The following PCSK7 variants were observed in gnomAD, a reference collection of about 807,000 sequenced individuals.
PCSK7 encodes the protein proprotein convertase subtilisin/kexin type 7, also known as lymphoma proprotein convertase.
PCSK7 carries 38 observed loss-of-function variants against 73.3 expected under a neutral mutation model. The observed-to-expected ratio is 0.52, with a 90% CI of 0.40 to 0.68. The LOEUF is 0.68. Ranked by LOEUF, PCSK7 falls within the 30% of genes least tolerant of loss-of-function variation. The pLI is 0.00. For synonymous variants in PCSK7, 296 were observed against 383.8 expected, an observed-to-expected ratio of 0.77 and a Z score of 2.68; for missense variants, 692 against 991.5, an observed-to-expected ratio of 0.70 and a Z score of 4.06.
In PCSK7 at chr11:117,224,693, C is replaced by G. The variant is rs1275047040; in HGVS notation, c.915+8G>C. 6.2e-7 allele frequency: 1 copy of G among 1,609,944 alleles called. No homozygotes were observed. The highest frequency in any genetic ancestry group is 8.5e-7 in the Non-Finnish European group (1 of 1,176,248). On this transcript the variant is annotated splice_region_variant and intron_variant, in intron 7 of 16. Coordinates refer to ENST00000320934, the MANE Select transcript of PCSK7 (RefSeq NM_004716.4). ...CCGTTTCTCAGAGTCTTTGTGCAGG[C>G]CAGTTACCTTTCCAAGCTGATGGGG...
At chr11:117,226,567 G>A (rs2032438063) in intron 5 of PCSK7, 1 of 159,100 alleles carries the variant, frequency 6.3e-6, no homozygotes, top group African/African-American at 2.4e-5. Context: ...TTTCAGAGAA[G>A]GGACTTGGAC....
rs2032574004 is a variant in PCSK7, at chr11:117,229,802, G to A, written c.43C>T (p.Leu15=). 2 of 1,598,384 alleles carry A rather than the reference G, an allele frequency of 1.3e-6. No homozygotes were observed. Among genetic ancestry groups the A allele is most frequent in the Non-Finnish European group, 1.7e-6 (2 of 1,171,606 alleles). The change falls in exon 3 of 17, where the codon CTG becomes TTG. Residue 15 remains leucine (L), a synonymous_variant. Transcript: ENST00000320934. ...RQKVPHLDAP[L]GLPTCLWLEL... ...AGCCAGAGGCAGGTGGGCAGGCCCAGGGGGGCATCCAAGTGTGGCACTTTC... is the reference window on the plus strand; with the variant it reads ...AGCCAGAGGCAGGTGGGCAGGCCCAAGGGGGCATCCAAGTGTGGCACTTTC...
intron 12 of PCSK7, chr11:117,210,237 G>A (rs1055107731): frequency 4.6e-5 from 7 of 152,092 alleles, no homozygotes; most frequent in Non-Finnish European, 8.8e-5. Context: ...GACTTCTCTT[G>A]TACATTTCTT....
intron 12 of PCSK7, chr11:117,216,198 T>TCC (rs2031975798): frequency 6.6e-6 from 1 of 152,154 alleles, no homozygotes; most frequent in Non-Finnish European, 1.5e-5. Flanking sequence ...CTGAGCAGCA[T>TCC]GGACATGGAA....
chr11:117,224,624 G>T, intron 7 of PCSK7, 77 bp downstream of exon 7: 1 of 1,188,236 alleles, frequency 8.4e-7, no homozygotes, highest in Non-Finnish European at 1.3e-6. Context: ...GGGAAGATGG[G>T]TCAACTTGCA....
At position 117,218,327 on chromosome 11, in the gene PCSK7, C is replaced by A; in HGVS notation, c.1534+139G>T. ...AAGCAGTAACATGTCCTAAAATGGT[C>A]AAAGAAAACTCCACAGGTTTGGCTG... On this transcript the variant is annotated intron_variant, in intron 12 of 16. Transcript: ENST00000320934. This position sits in a 1 kb window ranked among gnomAD's most constrained non-coding sequence, Gnocchi z 4.0. 1 of 496,026 alleles carries A rather than the reference C, an allele frequency of 2.0e-6. No homozygotes were observed. Among genetic ancestry groups the A allele is most frequent in the Non-Finnish European group, 3.6e-6 (1 of 275,510 alleles). The allele number at this position is 496,026 out of a possible 1,614,324, so 30.7% of individuals were successfully genotyped here.
chr11:117,213,674 T>G (rs1346183009), intron 12 of PCSK7: 3 of 152,170 alleles, frequency 2.0e-5, no homozygotes, highest in Non-Finnish European at 4.4e-5. Context: ...AAGGAGTGCT[T>G]GTCTGCGTTC....
chr11:117,224,562 C>T (rs1239936267), intron 7 of PCSK7, 139 bp downstream of exon 7: 5 of 771,218 alleles, frequency 6.5e-6, no homozygotes, highest in Non-Finnish European at 1.2e-5. Context: ...GGCTTCCTGC[C>T]CCGACGTTAG....
At chr11:117,227,113 T>C (rs1296269906) in intron 5 of PCSK7, 44 bp downstream of exon 5, 3 of 1,513,354 alleles carry the variant, frequency 2.0e-6, no homozygotes, top group South Asian at 1.2e-5. Context: ...AAGACTGTGG[T>C]CACAGGAGCA....
In PCSK7 at chr11:117,218,953, G is replaced by T; in HGVS notation, c.1431+104C>A. ...AAGTTGTTAAATCAATGAACTGAAT[G>T]AACATTTACTAGGCACCTATGATAT... On this transcript the variant is annotated intron_variant, in intron 11 of 16. Coordinates refer to ENST00000320934, the MANE Select transcript of PCSK7 (RefSeq NM_004716.4). This position sits in a 1 kb window ranked among gnomAD's most constrained non-coding sequence, Gnocchi z 4.0. The T allele has an allele frequency of 4.5e-6, 3 of 661,332 alleles. No individual in the cohort carries two copies. Among genetic ancestry groups the T allele is most frequent in the South Asian group, 3.8e-5 (2 of 53,216 alleles). 41.0% of individuals were successfully genotyped at this position (661,332 alleles called of 1,614,324 possible).
intron 9 of PCSK7, 163 bp from the exon 10 acceptor site, chr11:117,219,921 G>A (rs1278367911): frequency 6.1e-6 from 3 of 491,460 alleles, no homozygotes; most frequent in Non-Finnish European, 1.1e-5. Flanking sequence ...GTGGCTGAGT[G>A]AGAACCCATC....
At chr11:117,209,812 C>A in intron 12 of PCSK7, 1 of 152,840 alleles carries the variant, frequency 6.5e-6, no homozygotes, top group South Asian at 2.0e-4. Context: ...CTACCACACT[C>A]CAGCCTGGGC....
At chr11:117,219,336 G>A (rs1425912458) in intron 10 of PCSK7, 172 bp from the exon 11 acceptor site, 6 of 638,694 alleles carry the variant, frequency 9.4e-6, no homozygotes, top group Non-Finnish European at 1.6e-5. Flanking sequence ...AGCCCATGAT[G>A]TCACCACCCC....
chr11:117,224,613 T>C (rs1157750481), intron 7 of PCSK7, 88 bp downstream of exon 7: 12 of 1,045,186 alleles, frequency 1.1e-5, no homozygotes, highest in Non-Finnish European at 9.1e-6. Context: ...GGAGGTGGAG[T>C]GGGAAGATGG....
At chr11:117,219,794 A>G (rs2032122415) in intron 9 of PCSK7, 36 bp from the exon 10 acceptor site, 2 of 1,518,836 alleles carry the variant, frequency 1.3e-6, no homozygotes, top group African/African-American at 2.8e-5. Flanking sequence ...TAGGTTAGAG[A>G]CTGAGTTCAA....
chr11:117,220,032 T>C, intron 9 of PCSK7: 1 of 271,572 alleles, frequency 3.7e-6, no homozygotes, highest in East Asian at 6.6e-5. Flanking sequence ...AGAACAGGTC[T>C]CACAGGTGGA....
chr11:117,217,716 T>C (rs2032041088), intron 12 of PCSK7: 1 of 152,104 alleles, frequency 6.6e-6, no homozygotes, highest in Non-Finnish European at 1.5e-5. Flanking sequence ...ATAGCATACT[T>C]CCTTTGCAAA....
At chr11:117,227,721 G>A (rs1292294582) in intron 4 of PCSK7, among the ~76,000 whole-genome samples, 4 of 152,204 alleles carry the variant, frequency 2.6e-5, no homozygotes, top group African/African-American at 9.6e-5. Flanking sequence ...GATTACAGGC[G>A]TGAGCCACCG....
Position 117,229,473 on chromosome 11 carries a change from A to G in PCSK7, c.372T>C (p.His124=). The G allele has an allele frequency of 6.2e-7, 1 of 1,611,786 alleles. No homozygotes were observed. The highest frequency in any genetic ancestry group is 8.5e-7 in the Non-Finnish European group (1 of 1,180,016). Residue 124 remains histidine (H), a synonymous_variant, in exon 3 of 17, where the codon CAT becomes CAC. Transcript: ENST00000320934. ...GCTCTGAGTGCCAGCGCACAGCTTC[A>G]TGCCCAGCCAACACAGCCTCCACCT... The part of the protein sequence containing the change: ...RQQVEAVLAG[H]EAVRWHSEQR...
Sources: allele counts gnomAD v4.1 joint callset (sites outside exome capture counted in the v4.1 genomes callset), GRCh38; gene constraint gnomAD v4.1.1; non-coding constraint Gnocchi (gnomAD v3.1); transcripts MANE v1.5; gene names NCBI Gene and HGNC (gene_info 2026-07-23, HGNC 2026-07-21).